UNC119: variants seen among roughly 807,000 people sequenced by gnomAD.
UNC119 encodes protein unc-119 homolog A.
In UNC119, 15 loss-of-function variants were observed where a neutral mutation model predicts 22.6. That is an observed-to-expected ratio of 0.66 (90% CI 0.44 to 1.02). UNC119 has a LOEUF of 1.02. Ranked by LOEUF, UNC119 falls within the 50% of genes least tolerant of loss-of-function variation. The pLI, the probability that UNC119 is intolerant of heterozygous loss-of-function variation, is 0.00. For synonymous variants in UNC119, 138 were observed against 139.4 expected (o/e 0.99, Z 0.07); for missense variants, 322 against 336.0 (o/e 0.96, Z 0.33).
chr17:28,551,706 T>A (rs887741925), intron 1 of UNC119: 13 of 157,042 alleles, frequency 8.3e-5, no homozygotes, highest in African/African-American at 3.1e-4. Flanking sequence ...AGACCAAGCC[T>A]CCCTTGATGA....
Position 28,547,295 on chromosome 17 carries a change from G to A in UNC119, c.*2C>T, listed in dbSNP as rs1597576990. 1.2e-6 allele frequency: 2 copies of A among 1,614,054 alleles called. No individual in the cohort carries two copies. Among genetic ancestry groups the A allele is most frequent in the Middle Eastern group, 1.6e-4 (1 of 6,062 alleles). On this transcript the variant is annotated 3_prime_UTR_variant, in exon 5 of 5. Coordinates refer to ENST00000335765, the MANE Select transcript of UNC119 (RefSeq NM_005148.4). ...CCTCCTGGGGTCAGGGCAGCCGTGG[G>A]GTCAGGGTGTCCCGCTGTAGGAATA...
rs946021238 is a variant in UNC119, at chr17:28,551,946, G to C, written c.220+392C>G. ...ACTCAGCCTCCACCTAGCCTCCAGC[G>C]TGGGGGCTGAGGACAGGCTGCACTC... On this transcript the variant is annotated intron_variant, in intron 1 of 4. Transcript: ENST00000335765. 4 of 352,944 alleles carry C rather than the reference G, an allele frequency of 1.1e-5. No individual in the cohort carries two copies. The Admixed American group carries it at 1.6e-4, about 14-fold the overall frequency. The allele number at this position is 352,944 out of a possible 1,614,324, so 21.9% of individuals were successfully genotyped here.
At chr17:28,547,441 G>C (rs1479522879) in intron 4 of UNC119, 32 bp from the exon 5 acceptor site, 3 of 1,611,886 alleles carry the variant, frequency 1.9e-6, no homozygotes, top group South Asian at 2.2e-5. Flanking sequence ...GCCGGGCAAA[G>C]GTCAGGAGCT....
chr17:28,547,710 T>A lies in UNC119; in HGVS notation c.577A>T (p.Ile193Phe), dbSNP rs746193923. Reference protein sequence around the residue: ...IPSSKNTCEHIYDFPPLSEEL... With the variant: ...IPSSKNTCEHFYDFPPLSEEL... Reference sequence around the variant, plus strand: ...TCGGAGAGAGGGGGGAAGTCGTAAATGTGCTCGCAGGTGTTCTTGCTGCTG... The same window carrying A: ...TCGGAGAGAGGGGGGAAGTCGTAAAAGTGCTCGCAGGTGTTCTTGCTGCTG... The change falls in exon 4 of 5, where the codon ATT becomes TTT. Residue 193 changes from isoleucine to phenylalanine, a missense_variant. By Grantham distance (21) the Ile-to-Phe change is conservative. Transcript: ENST00000335765. 6.2e-7 allele frequency: 1 copy of A among 1,614,126 alleles called. No individual in the cohort carries two copies. Among genetic ancestry groups the A allele is most frequent in the South Asian group, 1.1e-5 (1 of 91,080 alleles).
intron 1 of UNC119, chr17:28,552,003 C>A: frequency 1.9e-6 from 1 of 521,898 alleles, no homozygotes; most frequent in Non-Finnish European, 3.8e-6. Flanking sequence ...AGGGACGGGC[C>A]TCAAAGCGCT....
rs1228360248 is a variant in UNC119, at chr17:28,552,613, A to G, written c.-56T>C. 18 of 1,442,772 alleles carry G rather than the reference A, an allele frequency of 1.2e-5. No individual in the cohort carries two copies. Among genetic ancestry groups the G allele is most frequent in the Non-Finnish European group, 1.6e-5 (18 of 1,097,772 alleles). 89.4% of individuals were successfully genotyped at this position (1,442,772 alleles called of 1,614,324 possible). On this transcript the variant is annotated 5_prime_UTR_variant, in exon 1 of 5. Coordinates refer to ENST00000335765, the MANE Select transcript of UNC119 (RefSeq NM_005148.4). ...TGCCGCCGCTGCCTGCGCCGGCTGGAGCCGGGGGAAGTGGGAGCATCCGCA... is the reference window on the plus strand; with the variant it reads ...TGCCGCCGCTGCCTGCGCCGGCTGGGGCCGGGGGAAGTGGGAGCATCCGCA...
At chr17:28,552,260 G>C (rs2070281783) in intron 1 of UNC119, 78 bp downstream of exon 1, 4 of 1,393,138 alleles carry the variant, frequency 2.9e-6, no homozygotes, top group Non-Finnish European at 3.9e-6. Flanking sequence ...GCGGGGGCCA[G>C]GGCTTGGCGC....
At chr17:28,550,147 T>G (rs1017925038) in intron 1 of UNC119, 1 of 152,238 alleles carries the variant, frequency 6.6e-6, no homozygotes, top group African/African-American at 2.4e-5. Flanking sequence ...AGCCCACATG[T>G]GGGGTGGGGA....
intron 1 of UNC119, chr17:28,552,129 A>G (rs2070278942): frequency 5.6e-6 from 4 of 711,600 alleles, no homozygotes; most frequent in Non-Finnish European, 1.0e-5. Context: ...AAGGGAGAAG[A>G]AGGAGGCACA....
chr17:28,547,570 C>T (rs2151507268), intron 4 of UNC119, 107 bp downstream of exon 4: 1 of 1,605,638 alleles, frequency 6.2e-7, no homozygotes, highest in South Asian at 1.1e-5. Flanking sequence ...ACAGAAGAGC[C>T]CCAGGGTGGG....
chr17:28,547,114 G>T lies in UNC119; in HGVS notation c.*183C>A. 1 of 713,114 alleles carries T rather than the reference G, an allele frequency of 1.4e-6. No individual in the cohort carries two copies. The highest frequency in any genetic ancestry group is 2.4e-6 in the Non-Finnish European group (1 of 420,620). The allele number at this position is 713,114 out of a possible 1,614,324, so 44.2% of individuals were successfully genotyped here. A position where few individuals can be genotyped will look rare whatever the true frequency, so the allele number is the denominator to read the frequency against. Reference sequence around the variant, plus strand: ...CCTACGACCCCACCCCATGTAGCAGGCCGCATGGGCTTCATGGGCTTGACT... The same window carrying T: ...CCTACGACCCCACCCCATGTAGCAGTCCGCATGGGCTTCATGGGCTTGACT... On this transcript the variant is annotated 3_prime_UTR_variant, in exon 5 of 5. Transcript: ENST00000335765.
intron 1 of UNC119, 25 bp downstream of exon 1, chr17:28,552,313 G>A: frequency 6.5e-7 from 1 of 1,529,590 alleles, no homozygotes; most frequent in East Asian, 2.5e-5. Context: ...CCACCCGCGG[G>A]CGGCGCTCCC....
rs781259828 is a variant in UNC119 at position 28,552,359 on chromosome 17, C to A, written c.199G>T (p.Gly67Trp). 3.9e-6 allele frequency: 6 copies of A among 1,539,918 alleles called. No homozygotes were observed. The highest frequency in any genetic ancestry group is 1.9e-5 in the Admixed American group (1 of 51,548). Residue 67 changes from glycine (G) to tryptophan (W), a missense_variant, in exon 1 of 5, where the codon GGG (glycine) becomes TGG (tryptophan). Gly to Trp is a radical substitution (Grantham distance 184). Transcript: ENST00000335765. The stretch of plus-strand genomic sequence containing the variant: ...TCACCACCGGTGATCCGCTGCAGCC[C>A]CAGCACGTCCTCCGGCCCGATCGGC... ...KQPIGPEDVL[G>W]LQRITGDYLC...
At chr17:28,547,965 C>T in intron 3 of UNC119, 34 bp downstream of exon 3, 1 of 1,613,520 alleles carries the variant, frequency 6.2e-7, no homozygotes, top group South Asian at 1.1e-5. Flanking sequence ...CCCTCTCCCT[C>T]ACCCCCACCA....
intron 1 of UNC119, chr17:28,551,859 A>C: frequency 4.2e-6 from 1 of 237,864 alleles, no homozygotes. Context: ...GTCTTCCTGG[A>C]GGATCAGGGT....
chr17:28,551,480 A>G (rs2070269205), intron 1 of UNC119: 1 of 152,310 alleles, frequency 6.6e-6, no homozygotes, highest in African/African-American at 2.4e-5. Context: ...AAAGAGCCCA[A>G]TGTACACAGC....
chr17:28,550,387 C>T (rs1191390190), intron 1 of UNC119: 1 of 152,362 alleles, frequency 6.6e-6, no homozygotes, highest in East Asian at 1.9e-4. Context: ...GCAGTCTAAC[C>T]TCAGTCTCTT....
intron 1 of UNC119, 139 bp from the exon 2 acceptor site, chr17:28,548,844 G>A (rs2070241281): frequency 3.0e-6 from 2 of 661,116 alleles, no homozygotes; most frequent in Non-Finnish European, 5.3e-6. Flanking sequence ...CTCAGTCCCT[G>A]CCCTTGGGGT....
At chr17:28,551,829 C>T (rs185167119) in intron 1 of UNC119, 60 of 231,806 alleles carry the variant, frequency 2.6e-4, no homozygotes, top group African/African-American at 1.3e-3. Flanking sequence ...GTTTCTTTCC[C>T]GGGGAAGAAA....
Sources: gnomAD v4.1 joint callset for allele counts on GRCh38, gnomAD v4.1.1 for gene constraint, MANE v1.5 for transcripts, NCBI Gene and HGNC (gene_info 2026-07-23, HGNC 2026-07-21) for gene names.